Variants in AGBL1 observed in about 807,000 individuals in gnomAD.
AGBL1 encodes cytosolic carboxypeptidase 4.
AGBL1 carries 130 observed loss-of-function variants against 118.9 expected under a neutral mutation model. The ratio of observed to expected loss-of-function variants is 1.09; its 90% CI spans 0.95 to 1.26. AGBL1 has a LOEUF of 1.26. AGBL1 is among the 50% of genes most tolerant of loss of function. AGBL1 has a pLI of 0.00. For synonymous variants in AGBL1, 555 were observed against 478.9 expected (o/e 1.16, Z -2.08); for missense variants, 1,584 against 1,298.1 (o/e 1.22, Z -3.38).
At chr15:86,475,033 C>T (rs1413310158) in intron 18 of AGBL1, among the ~76,000 whole-genome samples, 1 of 151,670 alleles carries the variant, frequency 6.6e-6, no homozygotes, top group African/African-American at 2.4e-5. Context: ...AGAAGGAAAA[C>T]TAATAAACAG....
intron 1 of AGBL1, among the ~76,000 whole-genome samples, chr15:86,129,922 T>C (rs1597433294): frequency 6.6e-6 from 1 of 152,166 alleles, no homozygotes; most frequent in African/African-American, 2.4e-5. Context: ...AATGCTGGGA[T>C]ACCTTTACAC....
intron 17 of AGBL1, among the ~76,000 whole-genome samples, chr15:86,320,474 T>A (rs12908087): frequency 0.098 from 14,952 of 152,148 alleles, 922 homozygotes; most frequent in African/African-American, 0.17. Flanking sequence ...TTTAAAATGA[T>A]ATACTTTTAA....
At chr15:86,705,265 G>A (rs976043260) in intron 22 of AGBL1, among the ~76,000 whole-genome samples, 10 of 152,100 alleles carry the variant, frequency 6.6e-5, no homozygotes, top group Admixed American at 6.6e-4. Context: ...TAACAAACAT[G>A]CATGTTCTGC....
At chr15:86,151,764 T>C (rs1195793291) in intron 3 of AGBL1, among the ~76,000 whole-genome samples, 2 of 152,200 alleles carry the variant, frequency 1.3e-5, no homozygotes, top group Non-Finnish European at 2.9e-5. Flanking sequence ...CATGATTGTA[T>C]GTTTAGAAAA....
intron 22 of AGBL1, among the ~76,000 whole-genome samples, chr15:86,681,797 C>G (rs2085962373): frequency 6.6e-6 from 1 of 151,908 alleles, no homozygotes; most frequent in African/African-American, 2.4e-5. Flanking sequence ...TGGCTTTTAC[C>G]TGAGAGTACA....
chr15:86,350,609 A>G (rs2080610751), intron 17 of AGBL1, among the ~76,000 whole-genome samples: 1 of 152,186 alleles, frequency 6.6e-6, no homozygotes, highest in African/African-American at 2.4e-5. Context: ...TAATGCATTA[A>G]TAGTGGTATC....
intron 24 of AGBL1, among the ~76,000 whole-genome samples, chr15:87,002,682 G>C (rs1316263405): frequency 6.6e-6 from 1 of 152,152 alleles, no homozygotes; most frequent in African/African-American, 2.4e-5. Context: ...TCTCCTTGAA[G>C]AGGTCCTTCA....
chr15:86,856,995 C>T (rs1198547777), intron 22 of AGBL1, among the ~76,000 whole-genome samples: 2 of 152,182 alleles, frequency 1.3e-5, no homozygotes, highest in African/African-American at 4.8e-5. Context: ...TTCCAGTGGT[C>T]CTACGTCCCA....
chr15:86,192,181 CAT>C (rs977525862), intron 5 of AGBL1, among the ~76,000 whole-genome samples: 41 of 150,788 alleles, frequency 2.7e-4, no homozygotes, highest in Non-Finnish European at 5.3e-4. Context: ...CACACACACA[CAT>C]ATATAAAAAT....
intron 17 of AGBL1, among the ~76,000 whole-genome samples, chr15:86,392,700 C>T (rs745948773): frequency 6.6e-6 from 1 of 152,030 alleles, no homozygotes; most frequent in South Asian, 2.1e-4. Context: ...TTATTCAATC[C>T]CCTACTTGTT....
intron 23 of AGBL1, among the ~76,000 whole-genome samples, chr15:86,984,568 C>T (rs2081263034): frequency 6.6e-6 from 1 of 151,838 alleles, no homozygotes; most frequent in Non-Finnish European, 1.5e-5. Context: ...GTTTCACCAT[C>T]TTGGCCAGGC....
chr15:86,407,933 T>C (rs2081554132), intron 18 of AGBL1, among the ~76,000 whole-genome samples: 1 of 152,064 alleles, frequency 6.6e-6, no homozygotes, highest in Admixed American at 6.5e-5. Flanking sequence ...AGTTTTGCAG[T>C]GCTCACCCAC....
chr15:86,291,442 G>A lies in AGBL1; in HGVS notation c.2221-3813G>A, dbSNP rs1235199430. ...TTAAAAATAATCTTCAGTGTAGCAT[G>A]CAAGTGTCATTCTATGCAACAATGA... On this transcript the variant is annotated intron_variant, in intron 16 of 22. Coordinates refer to ENST00000614907, the MANE Select transcript of AGBL1 (RefSeq NM_001386094.1). Among the ~76,000 whole-genome samples the A allele has an allele frequency of 3.9e-5, 6 of 152,150 alleles. No individual in the cohort carries two copies. The East Asian group carries it at 1.2e-3, about 29-fold the overall frequency.
intron 24 of AGBL1, among the ~76,000 whole-genome samples, chr15:87,011,788 T>C (rs1303325992): frequency 6.6e-6 from 1 of 152,218 alleles, no homozygotes; most frequent in Non-Finnish European, 1.5e-5. Flanking sequence ...AACATTGGCT[T>C]AGCCACTTGT....
intron 21 of AGBL1, among the ~76,000 whole-genome samples, chr15:86,595,544 T>G (rs2084393400): frequency 6.6e-6 from 1 of 152,156 alleles, no homozygotes; most frequent in Non-Finnish European, 1.5e-5. Context: ...CTTTTCACCA[T>G]GTCATTATAT....
At chr15:86,822,649 A>T (rs1001796073) in intron 22 of AGBL1, among the ~76,000 whole-genome samples, 6 of 152,156 alleles carry the variant, frequency 3.9e-5, no homozygotes, top group African/African-American at 1.4e-4. Context: ...AAGGAAGCTG[A>T]GAAGCCAAAG....
chr15:86,271,549 TG>T (rs1263198447), intron 14 of AGBL1, 69 bp from the exon 15 acceptor site: 17 of 1,177,412 alleles, frequency 1.4e-5, no homozygotes, highest in Non-Finnish European at 1.9e-5. Flanking sequence ...TATGTGTATG[TG>T]GGGGTCATTA....
chr15:86,191,369 AAGAG>A (rs1214347585), intron 5 of AGBL1, among the ~76,000 whole-genome samples: 83 of 145,124 alleles, frequency 5.7e-4, no homozygotes, highest in Middle Eastern at 3.6e-3. Context: ...AAAAAAAAAA[AAGAG>A]AGAGAGAGAA....
chr15:86,667,149 A>G (rs1453985312), intron 21 of AGBL1, among the ~76,000 whole-genome samples: 1 of 152,054 alleles, frequency 6.6e-6, no homozygotes, highest in African/African-American at 2.4e-5. Flanking sequence ...TAAATCATTT[A>G]TATTTTTATA....
Sources: allele counts gnomAD v4.1 joint callset (sites outside exome capture counted in the v4.1 genomes callset), GRCh38; gene constraint gnomAD v4.1.1; transcripts MANE v1.5; gene names NCBI Gene and HGNC (gene_info 2026-07-23, HGNC 2026-07-21).